Variants in MARCHF1 observed in about 807,000 individuals in gnomAD.
The protein encoded by MARCHF1 is E3 ubiquitin-protein ligase MARCHF1.
Under a neutral mutation model 54.2 loss-of-function variants are expected in MARCHF1, and 40 were observed. That is an observed-to-expected ratio of 0.74 (90% CI 0.57 to 0.96). The LOEUF is 0.96. Among genes scored for constraint, MARCHF1 ranks in the 40% least tolerant of loss-of-function variants. The probability of loss-of-function intolerance (pLI) is 0.00; values close to 1 mark genes in which losing one functional copy is unlikely to be tolerated. For synonymous variants in MARCHF1, 236 were observed against 236.3 expected (o/e 1.00, Z 0.01); for missense variants, 586 against 656.5 (o/e 0.89, Z 1.17).
Position 163,832,279 on chromosome 4 carries a change from G to A in MARCHF1, c.111+21742C>T, listed in dbSNP as rs150946593. ...AAAGAACAAATTAGGACTCATCAAG[G>A]TCAAAAGTCAGAAATGCAAGATTGC... On this transcript the variant is annotated intron_variant, in intron 4 of 9. Coordinates refer to ENST00000514618, the MANE Select transcript of MARCHF1 (RefSeq NM_001394959.1). 3.3e-3 allele frequency among the ~76,000 whole-genome samples: 496 copies of A among 152,210 alleles called. 5 individuals carry two copies. Among genetic ancestry groups the A allele is most frequent in the African/African-American group, 0.011 (469 of 41,532 alleles).
At chr4:163,962,843 A>G (rs1474749491) in intron 3 of MARCHF1, among the ~76,000 whole-genome samples, 1 of 151,950 alleles carries the variant, frequency 6.6e-6, no homozygotes, top group Non-Finnish European at 1.5e-5. Flanking sequence ...TTTAGAGCAT[A>G]GAGTTTTATT....
chr4:163,770,025 G>C (rs1747108728), intron 4 of MARCHF1, among the ~76,000 whole-genome samples: 1 of 151,966 alleles, frequency 6.6e-6, no homozygotes, highest in South Asian at 2.1e-4. Context: ...TCCATTTAAT[G>C]AACAGTAGAT....
intron 4 of MARCHF1, among the ~76,000 whole-genome samples, chr4:163,832,748 C>G (rs1361824371): frequency 7.5e-6 from 1 of 133,112 alleles, no homozygotes; most frequent in East Asian, 2.4e-4. Flanking sequence ...CCTCCCCCAA[C>G]CCCACAACAG....
chr4:163,961,320 T>C (rs781280843), intron 3 of MARCHF1, among the ~76,000 whole-genome samples: 1 of 152,000 alleles, frequency 6.6e-6, no homozygotes, highest in Non-Finnish European at 1.5e-5. Flanking sequence ...TGAGCATTAA[T>C]AGTCCTAGAG....
At chr4:163,718,258 C>G (rs1363912930) in intron 4 of MARCHF1, among the ~76,000 whole-genome samples, 17 of 152,172 alleles carry the variant, frequency 1.1e-4, no homozygotes, top group South Asian at 2.1e-4. Flanking sequence ...GACATCATTT[C>G]TAAAACACCA....
At chr4:164,188,801 C>G in intron 1 of MARCHF1, 2 of 851,472 alleles carry the variant, frequency 2.3e-6, no homozygotes, top group Non-Finnish European at 4.1e-6. Context: ...GACATTTGCT[C>G]CTGAAGAAAT....
intron 1 of MARCHF1, among the ~76,000 whole-genome samples, chr4:164,338,584 A>C (rs774999012): frequency 1.3e-5 from 2 of 152,236 alleles, no homozygotes; most frequent in Non-Finnish European, 2.9e-5. Flanking sequence ...CACAAATGGA[A>C]ACAAAAAAAG....
At chr4:163,744,654 A>C (rs1746305378) in intron 4 of MARCHF1, among the ~76,000 whole-genome samples, 1 of 152,232 alleles carries the variant, frequency 6.6e-6, no homozygotes. Context: ...CATTGCTTAC[A>C]TTATAAATTA....
chr4:163,959,322 A>G (rs1339099469), intron 3 of MARCHF1, among the ~76,000 whole-genome samples: 5 of 129,006 alleles, frequency 3.9e-5, no homozygotes, highest in Non-Finnish European at 6.9e-5. Flanking sequence ...GCAAAACAAC[A>G]ACAACAACAA....
chr4:164,223,514 AATAG>A (rs1430945927), intron 1 of MARCHF1, among the ~76,000 whole-genome samples: 1 of 152,058 alleles, frequency 6.6e-6, no homozygotes, highest in Non-Finnish European at 1.5e-5. Flanking sequence ...TTCTTCAAGC[AATAG>A]ATATTTATGT....
At chr4:164,177,579 G>GT (rs1336697878) in intron 1 of MARCHF1, among the ~76,000 whole-genome samples, 1 of 151,990 alleles carries the variant, frequency 6.6e-6, no homozygotes, top group Non-Finnish European at 1.5e-5. Context: ...AACAAGGTAG[G>GT]TTTTTTAATG....
At chr4:164,293,176 T>C (rs572168660) in intron 1 of MARCHF1, among the ~76,000 whole-genome samples, 1 of 152,250 alleles carries the variant, frequency 6.6e-6, no homozygotes, top group South Asian at 2.1e-4. Context: ...CTGCATAGCC[T>C]ATATCTTGAA....
At chr4:163,899,123 G>T (rs1041221808) in intron 3 of MARCHF1, among the ~76,000 whole-genome samples, 1 of 152,178 alleles carries the variant, frequency 6.6e-6, no homozygotes, top group Non-Finnish European at 1.5e-5. Context: ...CCACCAGTAT[G>T]TAATATACTC....
intron 4 of MARCHF1, among the ~76,000 whole-genome samples, chr4:163,763,971 C>T (rs969559591): frequency 6.6e-5 from 10 of 152,018 alleles, no homozygotes; most frequent in African/African-American, 2.4e-4. Flanking sequence ...TGAGATTTCT[C>T]ATTTTAAATT....
At chr4:163,616,317 G>A (rs4643769) in intron 5 of MARCHF1, among the ~76,000 whole-genome samples, 61,583 of 152,006 alleles carry the variant, frequency 0.41, 13,343 homozygotes, top group East Asian at 0.56. Flanking sequence ...TGAAGAGACA[G>A]TCTGTAGCAT....
At chr4:163,863,592 T>C (rs1392103868) in intron 3 of MARCHF1, among the ~76,000 whole-genome samples, 1 of 152,072 alleles carries the variant, frequency 6.6e-6, no homozygotes, top group African/African-American at 2.4e-5. Flanking sequence ...TGTGATTACA[T>C]AACACGTATA....
chr4:164,026,488 T>C (rs966457041), intron 2 of MARCHF1, among the ~76,000 whole-genome samples: 11 of 152,060 alleles, frequency 7.2e-5, no homozygotes, highest in African/African-American at 2.7e-4. Flanking sequence ...AAAAATCATA[T>C]GATCATCTCA....
intron 2 of MARCHF1, among the ~76,000 whole-genome samples, chr4:164,101,922 A>G (rs1476001123): frequency 2.0e-5 from 3 of 150,396 alleles, no homozygotes; most frequent in Non-Finnish European, 1.5e-5. Context: ...TGCTTAAAGG[A>G]GCTGATGGAG....
At chr4:163,911,355 T>C (rs1293650444) in intron 3 of MARCHF1, among the ~76,000 whole-genome samples, 2 of 152,140 alleles carry the variant, frequency 1.3e-5, no homozygotes, top group African/African-American at 2.4e-5. Context: ...CTCTCTTCCC[T>C]GCAATAATAA....
Sources: gnomAD v4.1 joint callset for allele counts (sites outside exome capture counted in the v4.1 genomes callset) on GRCh38, gnomAD v4.1.1 for gene constraint, MANE v1.5 for transcripts, NCBI Gene and HGNC (gene_info 2026-07-23, HGNC 2026-07-21) for gene names.